ANO4: variants seen among roughly 807,000 people sequenced by gnomAD.
ANO4 encodes the protein anoctamin-4.
ANO4 carries 69 observed loss-of-function variants against 141.9 expected under a neutral mutation model. That is an observed-to-expected ratio of 0.49 (90% CI 0.40 to 0.59). The LOEUF is 0.59. Among genes scored for constraint, ANO4 ranks in the 20% least tolerant of loss-of-function variants. The probability of loss-of-function intolerance (pLI) is 0.00; values close to 1 mark genes in which losing one functional copy is unlikely to be tolerated. For missense variants in ANO4, 894 were observed against 1,162.2 expected, an observed-to-expected ratio of 0.77 and a Z score of 3.36; for synonymous variants, 350 against 394.3, an observed-to-expected ratio of 0.89 and a Z score of 1.33.
chr12:101,011,942 CTTGT>C (rs2136451475), intron 8 of ANO4, among the ~76,000 whole-genome samples: 2 of 151,994 alleles, frequency 1.3e-5, no homozygotes, highest in South Asian at 2.1e-4. Context: ...TTTGAGAATA[CTTGT>C]TTGTTTGACC....
rs200172974 is a variant in ANO4, at chr12:101,096,630, C to G, written c.1833C>G (p.Ile611Met). The change falls in exon 19 of 28, where the codon ATC (isoleucine) becomes ATG (methionine). Residue 611 changes from isoleucine to methionine, a missense_variant. Ile to Met is a conservative substitution (Grantham distance 10, BLOSUM62 1). This residue lies in a region of ANO4 where 637 missense variants were observed against 909.2 expected (regional missense o/e 0.70). Coordinates refer to ENST00000392977, the MANE Select transcript of ANO4 (RefSeq NM_001286615.2). Reference protein sequence around the residue: ...FVNLNSSTFYIAFFLGRFTGH... With the variant: ...FVNLNSSTFYMAFFLGRFTGH... ...ATCTGAACAGCTCCACATTTTACAT[C>G]GCATTCTTCCTCGGAAGGTAAGAAC... is the stretch of plus-strand genomic sequence containing the variant. 2.5e-6 allele frequency: 4 copies of G among 1,613,056 alleles called. No individual in the cohort carries two copies. The highest frequency in any genetic ancestry group is 3.4e-6 in the Non-Finnish European group (4 of 1,179,282).
At chr12:101,014,665 G>A (rs1464073150) in intron 8 of ANO4, among the ~76,000 whole-genome samples, 1 of 152,086 alleles carries the variant, frequency 6.6e-6, no homozygotes, top group African/African-American at 2.4e-5. Context: ...AATTACATTA[G>A]CCCGTCAAAG....
chr12:100,802,468 T>C (rs2034753938), intron 1 of ANO4, among the ~76,000 whole-genome samples: 1 of 152,206 alleles, frequency 6.6e-6, no homozygotes, highest in East Asian at 1.9e-4. Flanking sequence ...TAATTAGATC[T>C]GACCAGATGA....
rs181707278 is a variant in ANO4, at chr12:100,921,322, T to A, written c.56-904T>A. Among the ~76,000 whole-genome samples the A allele has an allele frequency of 1.1e-3, 173 of 152,258 alleles. 3 individuals are homozygous for A. The highest frequency in any genetic ancestry group is 1.5e-4 in the Non-Finnish European group (10 of 68,012). On this transcript the variant is annotated intron_variant, in intron 2 of 27. Transcript: ENST00000392977. ...CTATGAGTTATCTTATTCTTGAGCT[T>A]TAGGAACGTAACCGAAATTTTGTAT...
intron 5 of ANO4, among the ~76,000 whole-genome samples, chr12:100,965,146 CTACACAACTT>C (rs1186821754): frequency 6.6e-6 from 1 of 152,162 alleles, no homozygotes. Context: ...GCATTGTCAC[CTACACAACTT>C]TGGGACAAAC....
rs1376310935 is a variant in ANO4 at position 100,971,354 on chromosome 12, T to A, written c.505T>A (p.Trp169Arg). The change falls in exon 6 of 28, where the codon TGG becomes AGG. Residue 169 changes from tryptophan (W) to arginine (R), a missense_variant. By Grantham distance (101) the Trp-to-Arg change is moderately radical. Around this residue, in one of 2 missense-constraint regions of ANO4, gnomAD observed 257 missense variants for 253.0 expected, o/e 1.02. Transcript: ENST00000392977. ...TATCTTTGTGAAGTTGCATGCCCCA[T>A]GGGAAGTCCTTGGAAGATATGCAGA... ...DIIFVKLHAP[W>R]EVLGRYAEQM... The A allele has an allele frequency of 6.2e-7, 1 of 1,612,474 alleles. No individual in the cohort carries two copies. Among genetic ancestry groups the A allele is most frequent in the South Asian group, 1.1e-5 (1 of 90,864 alleles).
chr12:100,956,547 T>A (rs1245396863), intron 5 of ANO4, among the ~76,000 whole-genome samples: 2 of 152,188 alleles, frequency 1.3e-5, no homozygotes, highest in Admixed American at 1.3e-4. Flanking sequence ...GGGACTCTCT[T>A]CCTCCTCAGT....
At chr12:101,034,054 C>T (rs2047094670) in intron 9 of ANO4, among the ~76,000 whole-genome samples, 1 of 152,008 alleles carries the variant, frequency 6.6e-6, no homozygotes, top group African/African-American at 2.4e-5. Context: ...TGTAAATTAC[C>T]CCAGCCATTG....
At chr12:100,772,469 A>G (rs1010874892) in intron 3 of ANO4, among the ~76,000 whole-genome samples, 3 of 152,108 alleles carry the variant, frequency 2.0e-5, no homozygotes, top group African/African-American at 7.2e-5. Context: ...AACACAGACG[A>G]CATGTGATTC....
At chr12:100,916,968 G>C (rs1259370833) in intron 2 of ANO4, among the ~76,000 whole-genome samples, 1 of 149,276 alleles carries the variant, frequency 6.7e-6, no homozygotes, top group Non-Finnish European at 1.5e-5. Context: ...GGGTGACAGA[G>C]TGTGACTGTC....
chr12:100,955,644 T>G (rs1439734655), intron 5 of ANO4, among the ~76,000 whole-genome samples: 1 of 152,182 alleles, frequency 6.6e-6, no homozygotes, highest in Non-Finnish European at 1.5e-5. Context: ...CACAATATGC[T>G]CAGCGTATTT....
At chr12:101,084,160 A>T (rs922431040) in intron 16 of ANO4, among the ~76,000 whole-genome samples, 4 of 152,230 alleles carry the variant, frequency 2.6e-5, no homozygotes, top group African/African-American at 9.6e-5. Flanking sequence ...AGTGTTTTTC[A>T]AACTTTTCAC....
chr12:100,803,885 G>T (rs2034840321), intron 1 of ANO4, among the ~76,000 whole-genome samples: 2 of 151,842 alleles, frequency 1.3e-5, no homozygotes, highest in African/African-American at 4.8e-5. Context: ...TGTCTCTCTG[G>T]TGTTAGTGGT....
intron 1 of ANO4, among the ~76,000 whole-genome samples, chr12:100,872,808 G>A (rs2135931867): frequency 6.6e-6 from 1 of 152,326 alleles, no homozygotes; most frequent in South Asian, 2.1e-4. Flanking sequence ...GTTCCCATGG[G>A]AAGTAAAGTA....
chr12:101,006,611 A>G (rs2045882797), intron 8 of ANO4, among the ~76,000 whole-genome samples: 3 of 152,270 alleles, frequency 2.0e-5, no homozygotes, highest in South Asian at 2.1e-4. Flanking sequence ...CCCATACAGT[A>G]GACTTCTGAG....
At chr12:100,815,502 A>G (rs1335368168) in intron 1 of ANO4, among the ~76,000 whole-genome samples, 4 of 152,140 alleles carry the variant, frequency 2.6e-5, no homozygotes, top group African/African-American at 7.2e-5. Flanking sequence ...ATAACATTCA[A>G]TATTTTGCAA....
At chr12:100,747,778 C>T (rs1454541443) in intron 3 of ANO4, among the ~76,000 whole-genome samples, 1 of 152,182 alleles carries the variant, frequency 6.6e-6, no homozygotes, top group Non-Finnish European at 1.5e-5. Context: ...GAGGCTGAGG[C>T]AGGAGAATCA....
chr12:100,823,930 T>TACTG (rs2036193887), intron 1 of ANO4, among the ~76,000 whole-genome samples: 2 of 152,130 alleles, frequency 1.3e-5, no homozygotes, highest in African/African-American at 4.8e-5. Context: ...GCAAAGATAA[T>TACTG]TAGATTTTTC....
At chr12:101,015,061 G>A (rs578236339) in intron 8 of ANO4, among the ~76,000 whole-genome samples, 48 of 151,732 alleles carry the variant, frequency 3.2e-4, no homozygotes, top group Non-Finnish European at 6.0e-4. Context: ...GGCTTCAAGC[G>A]GTCCTCCTGC....
Sources: gnomAD v4.1 joint callset for allele counts (sites outside exome capture counted in the v4.1 genomes callset) on GRCh38, gnomAD v4.1.1 for gene constraint, gnomAD v4.1.1 regional missense constraint, MANE v1.5 for transcripts, NCBI Gene and HGNC (gene_info 2026-07-23, HGNC 2026-07-21) for gene names.